PRPF3: variants seen among roughly 807,000 people sequenced by gnomAD.
PRPF3 encodes the protein pre-mRNA processing factor 3.
A neutral mutation model predicts 89.2 loss-of-function variants in PRPF3; 3 were observed. The observed-to-expected ratio is 0.03, with a 90% confidence interval of 0.02 to 0.09. The LOEUF is 0.09. Among genes scored for constraint, PRPF3 ranks in the 10% least tolerant of loss-of-function variants. The probability of loss-of-function intolerance (pLI) is 1.00; values close to 1 mark genes in which losing one functional copy is unlikely to be tolerated. For missense variants in PRPF3, 463 were observed against 828.8 expected, an observed-to-expected ratio of 0.56 and a Z score of 5.42; for synonymous variants, 270 against 289.1, an observed-to-expected ratio of 0.93 and a Z score of 0.67.
intron 14 of PRPF3, chr1:150,348,896 T>C (rs781798062): frequency 1.3e-5 from 6 of 470,038 alleles, no homozygotes; most frequent in Admixed American, 7.0e-5. Context: ...CTGCTTGTCT[T>C]TTATTTCCTT....
rs782804522 is a variant in PRPF3, at chr1:150,346,504, T to TA, written c.1843+14dup. 1.9e-6 allele frequency: 3 copies of TA among 1,601,760 alleles called. No individual in the cohort carries two copies. In the South Asian group the frequency reaches 3.3e-5, roughly 18 times the overall value. On this transcript the variant is annotated intron_variant, in intron 14 of 15. Transcript: ENST00000324862. ...ACAAAGGGAGATGGTGAATGGGGGT[T>TA]AGAGGGGATTAAGGGGGAGAGCTAT...
chr1:150,343,782 A>G (rs1179113474), intron 10 of PRPF3, among the ~76,000 whole-genome samples: 6 of 152,208 alleles, frequency 3.9e-5, no homozygotes, highest in Non-Finnish European at 8.8e-5. Context: ...TTTAATTTTT[A>G]CAATGAAAGT....
chr1:150,347,302 A>G (rs1553873167), intron 14 of PRPF3, among the ~76,000 whole-genome samples: 1 of 151,856 alleles, frequency 6.6e-6, no homozygotes, highest in Non-Finnish European at 1.5e-5. Context: ...ACATACACAC[A>G]TGTACACACA....
In PRPF3 at chr1:150,353,135, GTC is replaced by G; in HGVS notation, c.*157_*158del. ...GGAGAATATCTTGCTCCCCTCCTGA[GTC>G]AGCCTGGTGTTGCCCTTTATTCCCC... On this transcript the variant is annotated 3_prime_UTR_variant, in exon 16 of 16. Coordinates refer to ENST00000324862, the MANE Select transcript of PRPF3 (RefSeq NM_004698.4). The G allele has an allele frequency of 1.1e-6, 1 of 951,446 alleles. No individual in the cohort carries two copies. Among genetic ancestry groups the G allele is most frequent in the Non-Finnish European group, 1.7e-6 (1 of 593,176 alleles). The allele number at this position is 951,446 out of a possible 1,614,324, so 58.9% of individuals were successfully genotyped here.
rs1553873780 is a variant in PRPF3 at position 150,349,158 on chromosome 1, T to C, written c.1845T>C (p.Asp615=). 3 of 1,613,006 alleles carry C rather than the reference T, an allele frequency of 1.9e-6. No homozygotes were observed. The highest frequency in any genetic ancestry group is 2.7e-5 in the African/African-American group (2 of 74,904). Residue 615 remains aspartate (D), a splice_region_variant and synonymous_variant, in exon 15 of 16, where the codon GAT becomes GAC. Transcript: ENST00000324862. ...TCTGTAACAAGATTTCTCTTCCAGA[T>C]GATGAGGAGTCTGATGAGGAAGCTG... ...DEQTSNTKGD[D]DEESDEEAVK... is the part of the protein sequence containing the mutation.
At chr1:150,334,792 C>A in intron 6 of PRPF3, 143 bp from the exon 7 acceptor site, 1 of 979,162 alleles carries the variant, frequency 1.0e-6, no homozygotes, top group Non-Finnish European at 1.6e-6. Flanking sequence ...TGGTCTTTAA[C>A]TCCTGGGCTC....
chr1:150,346,346 G>A (rs1222152120), intron 13 of PRPF3, 62 bp from the exon 14 acceptor site: 2 of 1,506,514 alleles, frequency 1.3e-6, no homozygotes. Context: ...TCTGAGCTCA[G>A]AGGTTCTTTC....
intron 3 of PRPF3, among the ~76,000 whole-genome samples, chr1:150,327,371 G>A (rs1655846399): frequency 6.6e-6 from 1 of 152,070 alleles, no homozygotes; most frequent in South Asian, 2.1e-4. Context: ...TGGCCAGTAG[G>A]GCATACTTCT....
rs587615576 is a variant in PRPF3 at position 150,332,973 on chromosome 1, T to C, written c.508-6T>C. 6.2e-7 allele frequency: 1 copy of C among 1,610,672 alleles called. No individual in the cohort carries two copies. The highest frequency in any genetic ancestry group is 1.7e-5 in the Admixed American group (1 of 60,008). ...TTCCTCTGATTTCTTTTTCTCTATC[T>C]CACAGCCAAAGACTCCTTCTTCCTC... On this transcript the variant is annotated splice_polypyrimidine_tract_variant and splice_region_variant and intron_variant, in intron 5 of 15. Coordinates refer to ENST00000324862, the MANE Select transcript of PRPF3 (RefSeq NM_004698.4).
At chr1:150,338,021 C>A in intron 7 of PRPF3, 139 bp from the exon 8 acceptor site, 1 of 831,956 alleles carries the variant, frequency 1.2e-6, no homozygotes, top group Non-Finnish European at 1.9e-6. Context: ...TTGCTGTTAG[C>A]CAAGACCATG....
chr1:150,332,363 C>CGG, intron 4 of PRPF3, among the ~76,000 whole-genome samples: 1 of 152,182 alleles, frequency 6.6e-6, no homozygotes, highest in Non-Finnish European at 1.5e-5. Context: ...GGTTTAGAGA[C>CGG]TAAGTTCCTT....
In PRPF3 at chr1:150,343,382, A is replaced by G. The variant is rs1193742702; in HGVS notation, c.1356A>G (p.Thr452=). The G allele has an allele frequency of 6.2e-6, 10 of 1,613,872 alleles. No individual in the cohort carries two copies. Among genetic ancestry groups the G allele is most frequent in the Non-Finnish European group, 6.8e-6 (8 of 1,179,976 alleles). Residue 452 remains threonine, a synonymous_variant, in exon 10 of 16, where the codon ACA becomes ACG. Transcript: ENST00000324862. Reference sequence around the variant, plus strand: ...AACAGAAAAAACTTCGGAGACAAACAAGGAGGGAAGCACAGAAGGAACTAC... The same window carrying G: ...AACAGAAAAAACTTCGGAGACAAACGAGGAGGGAAGCACAGAAGGAACTAC... The part of the protein sequence containing the change: ...KKEQKKLRRQ[T]RREAQKELQE...
At chr1:150,325,392 C>G (rs1198896719) in intron 2 of PRPF3, among the ~76,000 whole-genome samples, 1 of 152,062 alleles carries the variant, frequency 6.6e-6, no homozygotes, top group East Asian at 1.9e-4. Context: ...GACTGAACAT[C>G]TCAACATACA....
At chr1:150,336,457 A>G (rs1337448276) in intron 7 of PRPF3, among the ~76,000 whole-genome samples, 5 of 152,070 alleles carry the variant, frequency 3.3e-5, no homozygotes, top group Non-Finnish European at 7.4e-5. Context: ...ATTTAAAGCA[A>G]TGAATACTTT....
chr1:150,324,416 G>A (rs1462501290), intron 1 of PRPF3, among the ~76,000 whole-genome samples: 5 of 152,150 alleles, frequency 3.3e-5, no homozygotes, highest in African/African-American at 1.2e-4. Flanking sequence ...AATCAAATGG[G>A]ATCTCTTTCT....
intron 8 of PRPF3, among the ~76,000 whole-genome samples, chr1:150,338,665 C>T (rs1387865134): frequency 6.6e-6 from 1 of 152,104 alleles, no homozygotes; most frequent in Non-Finnish European, 1.5e-5. Flanking sequence ...CAGGTGTGTG[C>T]CACCATGCCC....
At chr1:150,337,781 A>AT (rs1657208860) in intron 7 of PRPF3, among the ~76,000 whole-genome samples, 4 of 150,090 alleles carry the variant, frequency 2.7e-5, no homozygotes, top group African/African-American at 7.4e-5. Flanking sequence ...AAAAAAAAAT[A>AT]TTTGGGATTC....
At chr1:150,331,060 C>T (rs587624329) in intron 4 of PRPF3, among the ~76,000 whole-genome samples, 2 of 151,862 alleles carry the variant, frequency 1.3e-5, no homozygotes, top group African/African-American at 4.8e-5. Flanking sequence ...GAGACGGAGT[C>T]TCGCTCTTGC....
chr1:150,340,921 C>T (rs1398471623), intron 9 of PRPF3, among the ~76,000 whole-genome samples: 1 of 151,712 alleles, frequency 6.6e-6, no homozygotes, highest in Non-Finnish European at 1.5e-5. Context: ...ATCTAGGCAA[C>T]ATGGCAAAAC....
Sources: allele counts gnomAD v4.1 joint callset (sites outside exome capture counted in the v4.1 genomes callset), GRCh38; gene constraint gnomAD v4.1.1; transcripts MANE v1.5; gene names NCBI Gene and HGNC (gene_info 2026-07-23, HGNC 2026-07-21).